The following MAF variants were observed in gnomAD, a reference collection of about 807,000 sequenced individuals.
MAF encodes transcription factor Maf.
A neutral mutation model predicts 22.0 loss-of-function variants in MAF; 10 were observed. That is an observed-to-expected ratio of 0.45 (90% CI 0.28 to 0.77). The LOEUF (loss-of-function observed/expected upper bound fraction) is 0.77. MAF is among the 30% of genes least tolerant of loss of function. The pLI is 0.12. For synonymous variants in MAF, 337 were observed against 255.8 expected, an observed-to-expected ratio of 1.32 and a Z score of -3.03; for missense variants, 544 against 548.4, an observed-to-expected ratio of 0.99 and a Z score of 0.08.
rs1015742836 is a variant in MAF, at chr16:79,596,180, G to A, written c.1119-1627C>T. On this transcript the variant is annotated intron_variant, in intron 1 of 1. Transcript: ENST00000326043. Reference sequence around the variant, plus strand: ...AGAAGTGTAGGGCCATGCTCAGGAAGCCTAGTTCCACTGTTTTGTTTTGTT... The same window carrying A: ...AGAAGTGTAGGGCCATGCTCAGGAAACCTAGTTCCACTGTTTTGTTTTGTT... 4 of 1,062,418 alleles carry A rather than the reference G, an allele frequency of 3.8e-6. No homozygotes were observed. The African/African-American group carries it at 6.6e-5, about 17-fold the overall frequency. The allele number at this position is 1,062,418 out of a possible 1,614,324, so 65.8% of individuals were successfully genotyped here.
the MAF span, among the ~76,000 whole-genome samples, chr16:79,489,051 G>A: frequency 1.3e-5 from 2 of 152,210 alleles, no homozygotes; most frequent in African/African-American, 4.8e-5. Flanking sequence ...CCTGAAACTA[G>A]AGAAACGTGG....
chr16:79,544,072 G>A, the MAF span, among the ~76,000 whole-genome samples: 1 of 152,066 alleles, frequency 6.6e-6, no homozygotes, highest in African/African-American at 2.4e-5. Context: ...ACGGGAAAAT[G>A]TTTGTAAAAT....
the MAF span, among the ~76,000 whole-genome samples, chr16:79,291,251 C>G: frequency 6.6e-6 from 1 of 152,148 alleles, no homozygotes; most frequent in African/African-American, 2.4e-5. Flanking sequence ...CATTTCCTGG[C>G]TTCCCCAAAT....
the MAF span, among the ~76,000 whole-genome samples, chr16:79,544,344 C>T: frequency 6.6e-6 from 1 of 152,176 alleles, no homozygotes. Context: ...TACTGCATTG[C>T]ACAACACAGA....
Position 79,600,307 on chromosome 16 carries a change from G to A in MAF, c.-405C>T. On this transcript the variant is annotated 5_prime_UTR_variant, in exon 1 of 2. The change creates a premature stop within an existing upstream ORF in the 5' untranslated region. Transcript: ENST00000326043. ...GGCGTCCCCCGCTCGCCGCTCCGCT[G>A]CGCGCTTTGCATAAGGAAGGGCTCG... 1 of 216,012 alleles carries A rather than the reference G, an allele frequency of 4.6e-6. No homozygotes were observed. The highest frequency in any genetic ancestry group is 1.0e-5 in the Non-Finnish European group (1 of 99,802). 13.4% of individuals were successfully genotyped at this position (216,012 alleles called of 1,614,324 possible). A position where few individuals can be genotyped will look rare whatever the true frequency, so the allele number is the denominator to read the frequency against.
At chr16:79,239,671 A>T in the MAF span, among the ~76,000 whole-genome samples, 1 of 152,062 alleles carries the variant, frequency 6.6e-6, no homozygotes, top group African/African-American at 2.4e-5. Context: ...TCACAGATTT[A>T]TTCTTTGTCC....
chr16:79,412,239 C>T, the MAF span, among the ~76,000 whole-genome samples: 670 of 152,280 alleles, frequency 4.4e-3, 8 homozygotes, highest in African/African-American at 0.014. Flanking sequence ...AAGTTCACAA[C>T]GGTGAGGTAC....
chr16:79,407,381 G>A, the MAF span, among the ~76,000 whole-genome samples: 1 of 152,114 alleles, frequency 6.6e-6, no homozygotes, highest in South Asian at 2.1e-4. Flanking sequence ...TTCACCTCAA[G>A]GATGGTGATC....
At chr16:79,355,673 T>C in the MAF span, among the ~76,000 whole-genome samples, 1 of 152,198 alleles carries the variant, frequency 6.6e-6, no homozygotes, top group African/African-American at 2.4e-5. Context: ...AAGTTGTTTC[T>C]AGTACTCAAG....
chr16:79,372,338 T>C, the MAF span, among the ~76,000 whole-genome samples: 1 of 152,090 alleles, frequency 6.6e-6, no homozygotes, highest in Admixed American at 6.6e-5. Flanking sequence ...AAATAATAGA[T>C]GTTAAAAAAT....
At chr16:79,221,191 C>G in the MAF span, among the ~76,000 whole-genome samples, 2 of 152,166 alleles carry the variant, frequency 1.3e-5, no homozygotes, top group African/African-American at 4.8e-5. Context: ...AGAGCTTGCC[C>G]TTAAACTTGG....
the MAF span, among the ~76,000 whole-genome samples, chr16:79,531,055 G>A: frequency 3.9e-5 from 6 of 152,224 alleles, no homozygotes; most frequent in East Asian, 1.9e-4. Context: ...CTAAATATCC[G>A]GCCTTATCAG....
chr16:79,428,392 C>A, the MAF span, among the ~76,000 whole-genome samples: 1 of 152,234 alleles, frequency 6.6e-6, no homozygotes, highest in Non-Finnish European at 1.5e-5. Context: ...CCCACCTCAA[C>A]ACCCAGCTGT....
chr16:79,251,620 T>C, the MAF span, among the ~76,000 whole-genome samples: 1 of 152,166 alleles, frequency 6.6e-6, no homozygotes, highest in African/African-American at 2.4e-5. Flanking sequence ...AGTCTTCATC[T>C]TTTAGGGACA....
chr16:79,346,341 A>C, the MAF span, among the ~76,000 whole-genome samples: 1 of 152,066 alleles, frequency 6.6e-6, no homozygotes, highest in Non-Finnish European at 1.5e-5. Context: ...CCACGTCCCT[A>C]CAAAGGACAG....
the MAF span, among the ~76,000 whole-genome samples, chr16:79,442,568 G>T: frequency 2.6e-3 from 390 of 151,918 alleles, 2 homozygotes; most frequent in African/African-American, 9.0e-3. Flanking sequence ...TAGTGACAGG[G>T]TCTTGCACTG....
chr16:79,594,311 A>T lies in MAF; in HGVS notation c.*149T>A. On this transcript the variant is annotated 3_prime_UTR_variant, in exon 2 of 2. Transcript: ENST00000326043. ...AAACCCCCAGACAAGAGGCATAGTT[A>T]ACTACTACATTTAATAGCCTTCTTC... 1 of 759,934 alleles carries T rather than the reference A, an allele frequency of 1.3e-6. No homozygotes were observed. 47.1% of individuals were successfully genotyped at this position (759,934 alleles called of 1,614,324 possible). A position where few individuals can be genotyped will look rare whatever the true frequency, so the allele number is the denominator to read the frequency against.
chr16:79,212,260 TTTCATTCATCCTGACCAAGA>T, the MAF span: 1 of 1,299,406 alleles, frequency 7.7e-7, no homozygotes, highest in South Asian at 1.6e-5. Context: ...GAGATAATTG[TTTCATTCATCCTGACCAAGA>T]CTGAGCCAGC....
At chr16:79,209,339 C>A in the MAF span, among the ~76,000 whole-genome samples, 1 of 152,152 alleles carries the variant, frequency 6.6e-6, no homozygotes, top group Non-Finnish European at 1.5e-5. Flanking sequence ...AAGAGTGCAA[C>A]GTGGTATCAT....
Sources: gnomAD v4.1 joint callset for allele counts (sites outside exome capture counted in the v4.1 genomes callset) on GRCh38, gnomAD v4.1.1 for gene constraint, MANE v1.5 for transcripts, NCBI Gene and HGNC (gene_info 2026-07-23, HGNC 2026-07-21) for gene names.